BUB1B: variants seen among roughly 807,000 people sequenced by gnomAD.
BUB1B encodes BUB1 mitotic checkpoint serine/threonine kinase B.
A neutral mutation model predicts 137.7 loss-of-function variants in BUB1B; 86 were observed. The ratio of observed to expected loss-of-function variants is 0.62; its 90% confidence interval spans 0.52 to 0.75. The LOEUF is 0.75. Among genes scored for constraint, BUB1B ranks in the 30% least tolerant of loss-of-function variants. BUB1B has a pLI of 0.00. For synonymous variants in BUB1B, 420 were observed against 417.9 expected (o/e 1.00, Z -0.06); for missense variants, 1,130 against 1,236.9 (o/e 0.91, Z 1.30).
intron 15 of BUB1B, among the ~76,000 whole-genome samples, chr15:40,207,965 A>G (rs578253499): frequency 6.7e-6 from 1 of 150,260 alleles, no homozygotes; most frequent in South Asian, 2.1e-4. Context: ...CAGCCTCCCA[A>G]GTAGTCCCAG....
chr15:40,171,817 C>A (rs752904654), intron 4 of BUB1B, among the ~76,000 whole-genome samples: 3 of 151,994 alleles, frequency 2.0e-5, no homozygotes, highest in Non-Finnish European at 4.4e-5. Flanking sequence ...GCCTGTAATC[C>A]CAGCACTACT....
chr15:40,205,989 G>A (rs1391014276), intron 14 of BUB1B, among the ~76,000 whole-genome samples, 195 bp from the exon 15 acceptor site: 5 of 152,220 alleles, frequency 3.3e-5, no homozygotes, highest in African/African-American at 9.6e-5. Flanking sequence ...TTTGTATGGA[G>A]AATCTTCCTG....
intron 5 of BUB1B, among the ~76,000 whole-genome samples, chr15:40,177,923 T>TTA (rs1345150006): frequency 6.6e-6 from 1 of 151,972 alleles, no homozygotes; most frequent in African/African-American, 2.4e-5. Context: ...TGTCTGTAGG[T>TTA]TATATAGTGA....
intron 12 of BUB1B, 53 bp downstream of exon 12, chr15:40,201,033 T>A: frequency 6.7e-7 from 1 of 1,498,342 alleles, no homozygotes; most frequent in South Asian, 1.1e-5. Flanking sequence ...AAATGTATTA[T>A]GTAATAAATG....
In BUB1B at chr15:40,200,315, A is replaced by C; in HGVS notation, c.1473A>C (p.Gly491=). 6.2e-7 allele frequency: 1 copy of C among 1,613,994 alleles called. No homozygotes were observed. Among genetic ancestry groups the C allele is most frequent in the South Asian group, 1.1e-5 (1 of 91,072 alleles). ...CTTCCGAGTCTCAGAAAATACCAGGAATGACTCTATCCAGTTCTGTTTGTC... is the reference window on the plus strand; with the variant it reads ...CTTCCGAGTCTCAGAAAATACCAGGCATGACTCTATCCAGTTCTGTTTGTC... ...QIASESQKIP[G]MTLSSSVCQV... is the part of the protein sequence containing the mutation. The change falls in exon 11 of 23, where the codon GGA becomes GGC. Residue 491 remains glycine, a synonymous_variant. Transcript: ENST00000287598.
intron 9 of BUB1B, among the ~76,000 whole-genome samples, chr15:40,198,266 G>T (rs2037522946): frequency 6.7e-6 from 1 of 148,422 alleles, no homozygotes; most frequent in Admixed American, 6.7e-5. Context: ...ATAGAGAGAT[G>T]GGATCTCCCT....
At chr15:40,219,840 C>T (rs1161753027) in intron 22 of BUB1B, among the ~76,000 whole-genome samples, 5 of 152,016 alleles carry the variant, frequency 3.3e-5, no homozygotes. Flanking sequence ...TTTAATGCCC[C>T]TTCTCTATTT....
intron 2 of BUB1B, chr15:40,166,274 A>G (rs1339610207): frequency 2.6e-6 from 1 of 384,758 alleles, no homozygotes; most frequent in Admixed American, 3.6e-5. Flanking sequence ...TTTGTGCTTT[A>G]TAAATAATGT....
intron 4 of BUB1B, among the ~76,000 whole-genome samples, chr15:40,175,744 T>C (rs2037216424): frequency 6.6e-6 from 1 of 152,184 alleles, no homozygotes; most frequent in Admixed American, 6.5e-5. Context: ...AGATTCAAAA[T>C]TGATTAGCTT....
At chr15:40,191,821 T>C (rs183887356) in intron 8 of BUB1B, among the ~76,000 whole-genome samples, 133 of 152,360 alleles carry the variant, frequency 8.7e-4, no homozygotes, top group African/African-American at 2.9e-3. Flanking sequence ...TTCTATTCCA[T>C]TGATCTTTTT....
In BUB1B at chr15:40,199,672, T is replaced by C. The variant is rs779407962; in HGVS notation, c.1346T>C (p.Met449Thr). ...GAAATGCAGAAACAGATTGAAGAGA[T>C]GGAGAAGAAGCTAAAAGAAATCCAA... ...RAEMQKQIEEMEKKLKEIQTT... is the reference protein window; with the variant it reads ...RAEMQKQIEETEKKLKEIQTT... The change falls in exon 10 of 23, where the codon ATG becomes ACG. Residue 449 changes from methionine to threonine, a missense_variant. Transcript: ENST00000287598. The C allele has an allele frequency of 6.8e-6, 11 of 1,614,014 alleles. No individual in the cohort carries two copies. Among genetic ancestry groups the C allele is most frequent in the Non-Finnish European group, 9.3e-6 (11 of 1,179,922 alleles).
intron 5 of BUB1B, among the ~76,000 whole-genome samples, chr15:40,179,878 C>A (rs2037263357): frequency 6.6e-6 from 1 of 151,706 alleles, no homozygotes; most frequent in African/African-American, 2.4e-5. Context: ...CCTTTATATT[C>A]CCTACCCTTT....
At chr15:40,184,899 A>G (rs1312177422) in intron 6 of BUB1B, among the ~76,000 whole-genome samples, 1 of 152,212 alleles carries the variant, frequency 6.6e-6, no homozygotes, top group Non-Finnish European at 1.5e-5. Context: ...GAAGATGCAG[A>G]ATGTCTTTTT....
intron 5 of BUB1B, among the ~76,000 whole-genome samples, chr15:40,181,370 C>T (rs1318232357): frequency 6.6e-6 from 1 of 152,180 alleles, no homozygotes; most frequent in African/African-American, 2.4e-5. Flanking sequence ...GGATTACAGG[C>T]GTGAACCACC....
At chr15:40,170,434 G>A in intron 3 of BUB1B, 103 bp from the exon 4 acceptor site, 1 of 1,385,604 alleles carries the variant, frequency 7.2e-7, no homozygotes, top group African/African-American at 1.4e-5. Flanking sequence ...GACCTCAAAA[G>A]AAACATACTT....
intron 8 of BUB1B, among the ~76,000 whole-genome samples, chr15:40,189,424 C>T (rs4924432): frequency 0.57 from 85,969 of 152,140 alleles, 24,755 homozygotes; most frequent in African/African-American, 0.64. Context: ...CTTCCCAGAC[C>T]GCTGGGATTA....
chr15:40,176,012 C>T (rs941129223), intron 4 of BUB1B, among the ~76,000 whole-genome samples: 1 of 151,998 alleles, frequency 6.6e-6, no homozygotes, highest in Non-Finnish European at 1.5e-5. Flanking sequence ...GCAGTGGCAC[C>T]ATCATAGTTC....
intron 8 of BUB1B, among the ~76,000 whole-genome samples, chr15:40,186,430 CTTTTTTTTTTTTTTT>C (rs769074759): frequency 3.0e-5 from 2 of 67,356 alleles, no homozygotes; most frequent in African/African-American, 1.2e-4. Context: ...TTGCCTAGTT[CTTTTTTTTTTTTTTT>C]TTTTTTTTTT....
At chr15:40,206,158 T>C in intron 14 of BUB1B, 26 bp from the exon 15 acceptor site, 1 of 1,613,506 alleles carries the variant, frequency 6.2e-7, no homozygotes, top group Non-Finnish European at 8.5e-7. Flanking sequence ...ATATTTTAGC[T>C]AAACTTTATA....
Sources: gnomAD v4.1 joint callset for allele counts (sites outside exome capture counted in the v4.1 genomes callset) on GRCh38, gnomAD v4.1.1 for gene constraint, MANE v1.5 for transcripts, NCBI Gene and HGNC (gene_info 2026-07-23, HGNC 2026-07-21) for gene names.